Variants in AP1G2 observed in about 807,000 individuals in gnomAD.
The protein encoded by AP1G2 is AP-1 complex subunit gamma-like 2.
AP1G2 carries 85 observed loss-of-function variants against 95.8 expected under a neutral mutation model. The ratio of observed to expected loss-of-function variants is 0.89; its 90% confidence interval spans 0.74 to 1.06. The LOEUF (loss-of-function observed/expected upper bound fraction) is 1.06. Among genes scored for constraint, AP1G2 ranks in the 50% least tolerant of loss-of-function variants. The pLI is 0.00. For synonymous variants in AP1G2, 378 were observed against 400.0 expected (o/e 0.94, Z 0.66); for missense variants, 967 against 1,005.8 (o/e 0.96, Z 0.52).
At chr14:23,561,256 C>T in intron 19 of AP1G2, 40 bp downstream of exon 19, 3 of 1,513,838 alleles carry the variant, frequency 2.0e-6, no homozygotes, top group Non-Finnish European at 2.6e-6. Flanking sequence ...TACATTTCCA[C>T]CTACCTTCTC....
Position 23,562,339 on chromosome 14 carries a change from T to C in AP1G2, c.1577A>G (p.Tyr526Cys). ...GAGCTTCATGAGGGCTGTGAGGGCA[T>C]ATCCTCGAGTGGCTGGCAGGGACAT... Reference protein sequence around the residue: ...SHMSLPATRGYALTALMKLST... With the variant: ...SHMSLPATRGCALTALMKLST... Residue 526 changes from tyrosine (Y) to cysteine (C), a missense_variant, in exon 16 of 22, where the codon TAT (tyrosine) becomes TGT (cysteine). Physicochemically the swap from Tyr to Cys is radical, Grantham distance 194. Coordinates refer to ENST00000397120, the MANE Select transcript of AP1G2 (RefSeq NM_003917.5). 1 of 1,614,190 alleles carries C rather than the reference T, an allele frequency of 6.2e-7. No homozygotes were observed. Among genetic ancestry groups the C allele is most frequent in the Non-Finnish European group, 8.5e-7 (1 of 1,180,014 alleles).
rs775384656 is a variant in AP1G2 at position 23,567,147 on chromosome 14, G to C, written c.168C>G (p.Tyr56Ter). 1.2e-6 allele frequency: 2 copies of C among 1,612,790 alleles called. No individual in the cohort carries two copies. The highest frequency in any genetic ancestry group is 1.7e-6 in the Non-Finnish European group (2 of 1,179,342). Reference protein sequence around the residue: ...HRHRQLAKLLYVHMLGYPAHF... With the variant: ...HRHRQLAKLL ...GGGCGGGGTAGCCCAACATGTGGAC[G>C]TAGAGCAGTTTGGCCAGCTGCCGGT... The change falls in exon 2 of 22, where the codon TAC (tyrosine) becomes TAG (stop). Residue 56 changes from tyrosine to a stop codon, truncating the protein, a stop_gained. Coordinates refer to ENST00000397120, the MANE Select transcript of AP1G2 (RefSeq NM_003917.5). LOFTEE classifies it high-confidence loss of function. This position sits in a 1 kb window ranked among gnomAD's most constrained non-coding sequence, Gnocchi z 5.3.
chr14:23,565,392 TAA>T lies in AP1G2; in HGVS notation c.742-195_742-194del, dbSNP rs3215714. 3.6e-4 allele frequency: 237 copies of T among 663,404 alleles called. 1 individual carries two copies. The highest frequency in any genetic ancestry group is 3.4e-3 in the African/African-American group (185 of 54,566). The allele number at this position is 663,404 out of a possible 1,614,324, so 41.1% of individuals were successfully genotyped here. ...AGGCCAGGGGAGTTTAGGACAGGCT[TAA>T]AAAAAAAATTGTTAACAAACTGTAT... On this transcript the variant is annotated intron_variant, in intron 7 of 21. Transcript: ENST00000397120.
rs369544280 is a variant in AP1G2, at chr14:23,564,046, C to T, written c.1091G>A (p.Arg364Gln). 9.3e-6 allele frequency: 15 copies of T among 1,613,850 alleles called. No homozygotes were observed. Among genetic ancestry groups the T allele is most frequent in the East Asian group, 2.2e-5 (1 of 44,892 alleles). Reference sequence around the variant, plus strand: ...TCCTGTCCCCTCTATCACTGCTCACCGGCTGAGGGAGGCATCAGTTTCCCG... The same window carrying T: ...TCCTGTCCCCTCTATCACTGCTCACTGGCTGAGGGAGGCATCAGTTTCCCG... ...CLRETDASLS[R>Q]RALELSLALV... The change falls in exon 11 of 22, where the codon CGG (arginine) becomes CAG (glutamine). Residue 364 changes from arginine to glutamine, a missense_variant and splice_region_variant. Coordinates refer to ENST00000397120, the MANE Select transcript of AP1G2 (RefSeq NM_003917.5).
At position 23,561,353 on chromosome 14, in the gene AP1G2, A is replaced by G; in HGVS notation, c.1936T>C (p.Ser646Pro). 1 of 1,588,846 alleles carries G rather than the reference A, an allele frequency of 6.3e-7. No homozygotes were observed. Among genetic ancestry groups the G allele is most frequent in the Non-Finnish European group, 8.6e-7 (1 of 1,165,974 alleles). The change falls in exon 19 of 22, where the codon TCC becomes CCC. Residue 646 changes from serine (S) to proline (P), a missense_variant. Physicochemically the swap from Ser to Pro is moderately conservative, Grantham distance 74. Transcript: ENST00000397120. Reference protein sequence around the residue: ...DVQHPPHLDPSPGGALVHLLD... With the variant: ...DVQHPPHLDPPPGGALVHLLD... ...AGGTGTACCAGGGCACCTCCTGGGG[A>G]GGGGTCCAGATGGGGAGGATGCTGG...
At position 23,560,019 on chromosome 14, in the gene AP1G2, C is replaced by G. The variant is rs1883339038; in HGVS notation, c.2175G>C (p.Leu725=). ...AAVPKSLQLQ[L]QAPSGNTVPA... is the part of the protein sequence containing the mutation. ...GAACTGTGTTCCCACTGGGGGCCTG[C>G]AGCTGCAGCTGGAGACTCTGAACAC... is the stretch of plus-strand genomic sequence containing the variant. Residue 725 remains leucine (L), a synonymous_variant, in exon 21 of 22, where the codon CTG becomes CTC. Coordinates refer to ENST00000397120, the MANE Select transcript of AP1G2 (RefSeq NM_003917.5). The G allele has an allele frequency of 6.2e-7, 1 of 1,607,592 alleles. No individual in the cohort carries two copies. Among genetic ancestry groups the G allele is most frequent in the African/African-American group, 1.3e-5 (1 of 74,798 alleles).
rs1887922957 is a variant in AP1G2, at chr14:23,566,265, C to A, written c.471+13G>T. 2.5e-6 allele frequency: 4 copies of A among 1,613,220 alleles called. No individual in the cohort carries two copies. Among genetic ancestry groups the A allele is most frequent in the Non-Finnish European group, 3.4e-6 (4 of 1,179,702 alleles). ...GTGTGCAGGAGCACGTGCCAGGAGTCCCGCCATCTCACCTTCTTGCGCACG... is the reference window on the plus strand; with the variant it reads ...GTGTGCAGGAGCACGTGCCAGGAGTACCGCCATCTCACCTTCTTGCGCACG... On this transcript the variant is annotated intron_variant, in intron 4 of 21. Coordinates refer to ENST00000397120, the MANE Select transcript of AP1G2 (RefSeq NM_003917.5).
In AP1G2 at chr14:23,567,529, C is replaced by T. The variant is rs566719432; in HGVS notation, c.-6+210G>A. 2 of 1,356,238 alleles carry T rather than the reference C, an allele frequency of 1.5e-6. No individual in the cohort carries two copies. Among genetic ancestry groups the T allele is most frequent in the East Asian group, 3.1e-5 (1 of 32,530 alleles). 84.0% of individuals were successfully genotyped at this position (1,356,238 alleles called of 1,614,324 possible). On this transcript the variant is annotated intron_variant, in intron 1 of 21. Coordinates refer to ENST00000397120, the MANE Select transcript of AP1G2 (RefSeq NM_003917.5). This position sits in a 1 kb window ranked among gnomAD's most constrained non-coding sequence, Gnocchi z 5.3. ...CACTACGCATGCGTCCGCACCCCACCGGCGCCCCTTCCTATTGAGCATGCG... is the reference window on the plus strand; with the variant it reads ...CACTACGCATGCGTCCGCACCCCACTGGCGCCCCTTCCTATTGAGCATGCG...
Position 23,561,966 on chromosome 14 carries a change from T to C in AP1G2, c.1729A>G (p.Met577Val). The stretch of plus-strand genomic sequence containing the variant: ...GCAGCACAGTGCTGGACACACCTCA[T>C]GTGGTCGTATTTCCGGAAGAGTGTG... ...YDTLFRKYDH[M>V]RAAILEKMPL... The change falls in exon 17 of 22, where the codon ATG (methionine) becomes GTG (valine). Residue 577 changes from methionine to valine, a missense_variant. Physicochemically the swap from Met to Val is conservative, Grantham distance 21. Coordinates refer to ENST00000397120, the MANE Select transcript of AP1G2 (RefSeq NM_003917.5). 6.2e-7 allele frequency: 1 copy of C among 1,609,226 alleles called. No homozygotes were observed. The highest frequency in any genetic ancestry group is 8.5e-7 in the Non-Finnish European group (1 of 1,177,836).
At position 23,563,698 on chromosome 14, in the gene AP1G2, G is replaced by A. The variant is rs1886295912; in HGVS notation, c.1232+18C>T. 4 of 1,614,060 alleles carry A rather than the reference G, an allele frequency of 2.5e-6. No homozygotes were observed. Among genetic ancestry groups the A allele is most frequent in the East Asian group, 2.2e-5 (1 of 44,878 alleles). On this transcript the variant is annotated intron_variant, in intron 12 of 21. Coordinates refer to ENST00000397120, the MANE Select transcript of AP1G2 (RefSeq NM_003917.5). ...ACGCTCCCCAGATTCTACCCTCTTC[G>A]ACTCCTGGGCACCTCACCTCTCTGC...
At position 23,564,119 on chromosome 14, in the gene AP1G2, C is replaced by A; in HGVS notation, c.1018G>T (p.Asp340Tyr). The stretch of plus-strand genomic sequence containing the variant: ...CGATGCCGCTGCACAGCACTGTGAT[C>A]AGACTGCACCAGTCGAAGCAGTGAT... ...LTSLLRLVQS[D>Y]HSAVQRHRPT... The change falls in exon 11 of 22, where the codon GAT becomes TAT. Residue 340 changes from aspartate (D) to tyrosine (Y), a missense_variant. By Grantham distance (160) the Asp-to-Tyr change is radical (BLOSUM62 -3). Coordinates refer to ENST00000397120, the MANE Select transcript of AP1G2 (RefSeq NM_003917.5). The A allele has an allele frequency of 6.2e-7, 1 of 1,614,182 alleles. No individual in the cohort carries two copies. The highest frequency in any genetic ancestry group is 8.5e-7 in the Non-Finnish European group (1 of 1,180,026).
chr14:23,562,409 C>T lies in AP1G2; in HGVS notation c.1507G>A (p.Glu503Lys), dbSNP rs779527662. Residue 503 changes from glutamate to lysine, a missense_variant, in exon 16 of 22, where the codon GAA becomes AAA. Coordinates refer to ENST00000397120, the MANE Select transcript of AP1G2 (RefSeq NM_003917.5). ...CEEIEPLQVD[E>K]EEVLALLEKV... ...TCCAGCAATGCCAGCACTTCCTCTT[C>T]GTCCACCTTCAGACATGGATACAGT... 8.7e-6 allele frequency: 14 copies of T among 1,614,024 alleles called. No homozygotes were observed. Among genetic ancestry groups the T allele is most frequent in the South Asian group, 3.3e-5 (3 of 91,082 alleles).
intron 4 of AP1G2, 39 bp from the exon 5 acceptor site, chr14:23,566,199 A>T: frequency 6.3e-7 from 1 of 1,596,096 alleles, no homozygotes; most frequent in Non-Finnish European, 8.5e-7. Flanking sequence ...GTCAGAGGAG[A>T]TGGACCCCTG....
At chr14:23,561,049 T>G in intron 19 of AP1G2, 2 of 1,195,992 alleles carry the variant, frequency 1.7e-6, no homozygotes, top group African/African-American at 1.6e-5. Flanking sequence ...AGTGAGTGGG[T>G]AGTGGGAAAG....
intron 4 of AP1G2, 32 bp from the exon 5 acceptor site, chr14:23,566,192 A>G (rs1566661660): frequency 6.3e-7 from 1 of 1,594,468 alleles, no homozygotes; most frequent in Non-Finnish European, 8.6e-7. Context: ...GACAGGGGTC[A>G]GAGGAGATGG....
At chr14:23,560,652 A>C in intron 19 of AP1G2, 1 of 337,810 alleles carries the variant, frequency 3.0e-6, no homozygotes, top group East Asian at 6.6e-5. Flanking sequence ...AGGTGGGTGG[A>C]TCACCTGAGG....
At position 23,567,694 on chromosome 14, in the gene AP1G2, G is replaced by A; in HGVS notation, c.-6+45C>T. The A allele has an allele frequency of 2.9e-6, 3 of 1,040,426 alleles. No individual in the cohort carries two copies. Among genetic ancestry groups the A allele is most frequent in the East Asian group, 9.9e-5 (1 of 10,066 alleles). The allele number at this position is 1,040,426 out of a possible 1,614,324, so 64.4% of individuals were successfully genotyped here. Reference sequence around the variant, plus strand: ...TCCCCCGATTTCCATCTCAGGCAGCGGCAGCGGCAGCGACAGCCTGCCTAC... The same window carrying A: ...TCCCCCGATTTCCATCTCAGGCAGCAGCAGCGGCAGCGACAGCCTGCCTAC... On this transcript the variant is annotated intron_variant, in intron 1 of 21. Transcript: ENST00000397120. The surrounding 1 kb of genome is among the most constrained non-coding windows in gnomAD (Gnocchi z 5.3).
chr14:23,562,224 G>A, intron 16 of AP1G2, 64 bp downstream of exon 16: 1 of 1,605,200 alleles, frequency 6.2e-7, no homozygotes, highest in Non-Finnish European at 8.5e-7. Flanking sequence ...TGCCTGGAAA[G>A]AAACTCAAAA....
Position 23,562,407 on chromosome 14 carries a change from T to C in AP1G2, c.1509A>G (p.Glu503=). The change falls in exon 16 of 22, where the codon GAA becomes GAG. Residue 503 remains glutamate, a synonymous_variant. Coordinates refer to ENST00000397120, the MANE Select transcript of AP1G2 (RefSeq NM_003917.5). The stretch of plus-strand genomic sequence containing the variant: ...TTTCCAGCAATGCCAGCACTTCCTC[T>C]TCGTCCACCTTCAGACATGGATACA... The part of the protein sequence containing the change: ...CEEIEPLQVD[E]EEVLALLEKV... The C allele has an allele frequency of 1.2e-6, 2 of 1,614,180 alleles. No homozygotes were observed. The highest frequency in any genetic ancestry group is 2.7e-5 in the African/African-American group (2 of 75,044).
Sources: gnomAD v4.1 joint callset for allele counts on GRCh38, gnomAD v4.1.1 for gene constraint, Gnocchi (gnomAD v3.1) non-coding constraint, MANE v1.5 for transcripts, NCBI Gene and HGNC (gene_info 2026-07-23, HGNC 2026-07-21) for gene names.